The following ZNF33B variants were observed in gnomAD, a reference collection of about 807,000 sequenced individuals.
The protein encoded by ZNF33B is zinc finger protein 11b (KOX 2).
In ZNF33B, 29 loss-of-function variants were observed where a neutral mutation model predicts 45.8. The ratio of observed to expected loss-of-function variants is 0.63; its 90% CI spans 0.47 to 0.86. The LOEUF (loss-of-function observed/expected upper bound fraction) is 0.86, where lower values mean the gene tolerates loss of function less well. Among genes scored for constraint, ZNF33B ranks in the 40% least tolerant of loss-of-function variants. ZNF33B has a pLI of 0.00. For missense variants in ZNF33B, 831 were observed against 909.9 expected (o/e 0.91, Z 1.12); for synonymous variants, 305 against 307.8 (o/e 0.99, Z 0.10).
chr10:42,628,828 G>T (rs550615954), intron 4 of ZNF33B, among the ~76,000 whole-genome samples: 2 of 152,270 alleles, frequency 1.3e-5, no homozygotes, highest in African/African-American at 4.8e-5. Flanking sequence ...AGTTTCACAG[G>T]AACCAAAAGT....
chr10:42,596,511 G>A (rs185622777), intron 4 of ZNF33B, among the ~76,000 whole-genome samples: 6 of 152,098 alleles, frequency 3.9e-5, no homozygotes, highest in East Asian at 1.9e-4. Flanking sequence ...ATTACTACAT[G>A]GAATTATATT....
At position 42,632,028 on chromosome 10, in the gene ZNF33B, T is replaced by C; in HGVS notation, c.155-4A>G. The C allele has an allele frequency of 6.2e-7, 1 of 1,613,796 alleles. No individual in the cohort carries two copies. On this transcript the variant is annotated splice_region_variant and splice_polypyrimidine_tract_variant and intron_variant, in intron 3 of 4. Coordinates refer to ENST00000359467, the MANE Select transcript of ZNF33B (RefSeq NM_006955.3). The stretch of plus-strand genomic sequence containing the variant: ...TCTGGTTTGTGAGCACAATACCCTG[T>C]TAACAGGAAATAATTTAGGATTTGG...
chr10:42,638,262 C>A (rs773076048), intron 1 of ZNF33B, among the ~76,000 whole-genome samples: 14 of 152,268 alleles, frequency 9.2e-5, no homozygotes, highest in Non-Finnish European at 1.9e-4. Context: ...ACAAACAGGG[C>A]AACGCACAGG....
chr10:42,606,285 T>C (rs158375), intron 4 of ZNF33B, among the ~76,000 whole-genome samples: 4 of 151,628 alleles, frequency 2.6e-5, no homozygotes, highest in African/African-American at 4.8e-5. Flanking sequence ...GCTAACATGA[T>C]GAAACCCCAT....
intron 4 of ZNF33B, among the ~76,000 whole-genome samples, chr10:42,611,225 T>C (rs112292289): frequency 0.012 from 1,866 of 151,916 alleles, 50 homozygotes; most frequent in African/African-American, 0.042. Flanking sequence ...CCTGTAATCC[T>C]AGCTACTTGG....
intron 4 of ZNF33B, among the ~76,000 whole-genome samples, chr10:42,612,006 T>C (rs1029794059): frequency 1.3e-5 from 2 of 152,148 alleles, no homozygotes; most frequent in African/African-American, 4.8e-5. Context: ...AGACAGGACA[T>C]CTTGTTTCCT....
chr10:42,601,635 G>A (rs1461972379), intron 4 of ZNF33B, among the ~76,000 whole-genome samples: 6 of 151,130 alleles, frequency 4.0e-5, no homozygotes, highest in South Asian at 2.1e-4. Context: ...CACCACACCC[G>A]GCTAATTTTT....
chr10:42,617,853 A>G (rs1177130860), intron 4 of ZNF33B, among the ~76,000 whole-genome samples: 2 of 152,090 alleles, frequency 1.3e-5, no homozygotes, highest in Non-Finnish European at 2.9e-5. Flanking sequence ...TAGATTTCAA[A>G]TCCCACCCAT....
intron 2 of ZNF33B, among the ~76,000 whole-genome samples, chr10:42,633,904 C>T (rs1839166787): frequency 6.6e-6 from 1 of 150,504 alleles, no homozygotes; most frequent in Admixed American, 6.6e-5. Context: ...GGGAGGCAGA[C>T]ATTGCAGTCA....
chr10:42,617,930 G>A lies in ZNF33B; in HGVS notation c.250+13999C>T, dbSNP rs566380906. ...CTAGGTGGTCCCTCCCTCAATGCCA[G>A]TAGGAAACTGAAACCACACAAACTC... On this transcript the variant is annotated intron_variant, in intron 4 of 4. Transcript: ENST00000359467. Among the ~76,000 whole-genome samples the A allele has an allele frequency of 2.0e-5, 3 of 152,264 alleles. No individual in the cohort carries two copies. In the South Asian group the frequency reaches 6.2e-4, roughly 32 times the overall value.
At chr10:42,580,281 C>T (rs1836805625) in intron 1 of ZNF33B, among the ~76,000 whole-genome samples, 1 of 152,138 alleles carries the variant, frequency 6.6e-6, no homozygotes, top group Non-Finnish European at 1.5e-5. Flanking sequence ...CACTCTGTCA[C>T]CCAGGCTGGA....
At chr10:42,600,626 C>T (rs1272938385) in intron 4 of ZNF33B, among the ~76,000 whole-genome samples, 9 of 152,142 alleles carry the variant, frequency 5.9e-5, no homozygotes, top group Non-Finnish European at 5.9e-5. Context: ...CCAGAAATCT[C>T]TGCCTTTAAA....
intron 1 of ZNF33B, chr10:42,583,280 G>C (rs941045434): frequency 4.0e-6 from 2 of 505,404 alleles, no homozygotes; most frequent in African/African-American, 1.9e-5. Context: ...ACCACAGACA[G>C]GTGTCCTCCT....
At chr10:42,617,945 C>A (rs1838398735) in intron 4 of ZNF33B, among the ~76,000 whole-genome samples, 1 of 152,114 alleles carries the variant, frequency 6.6e-6, no homozygotes, top group Non-Finnish European at 1.5e-5. Context: ...AAACTGAAAC[C>A]ACACAAACTC....
At chr10:42,638,120 CCCG>C (rs775976945) in intron 1 of ZNF33B, among the ~76,000 whole-genome samples, 3 of 152,244 alleles carry the variant, frequency 2.0e-5, no homozygotes, top group Non-Finnish European at 4.4e-5. Flanking sequence ...GGCGACTGCA[CCCG>C]CCCTTTCCTA....
At chr10:42,628,736 A>T (rs1838921827) in intron 4 of ZNF33B, among the ~76,000 whole-genome samples, 1 of 152,086 alleles carries the variant, frequency 6.6e-6, no homozygotes, top group Non-Finnish European at 1.5e-5. Flanking sequence ...GTGGAGCAAG[A>T]TGGTGGAATA....
Position 42,594,695 on chromosome 10 carries a change from G to A in ZNF33B, c.255C>T (p.Val85=). ...TCTCTTTCAGGTGATCAGCTGTCCA[G>A]ACTTCTACAAACAAACAAAATTAAT... The part of the protein sequence containing the change: ...EEFPSQSFPE[V]WTADHLKERS... Residue 85 remains valine (V), a synonymous_variant, in exon 5 of 5, where the codon GTC becomes GTT. Transcript: ENST00000359467. 1 of 1,557,024 alleles carries A rather than the reference G, an allele frequency of 6.4e-7. No individual in the cohort carries two copies. The highest frequency in any genetic ancestry group is 8.6e-7 in the Non-Finnish European group (1 of 1,158,742).
At chr10:42,633,456 A>G (rs1392197199) in intron 2 of ZNF33B, among the ~76,000 whole-genome samples, 16 of 152,232 alleles carry the variant, frequency 1.1e-4, no homozygotes, top group Non-Finnish European at 4.4e-5. Context: ...CAACATTTAC[A>G]TAAACTACTG....
chr10:42,636,593 G>A (rs532110419), intron 2 of ZNF33B, among the ~76,000 whole-genome samples: 6 of 152,290 alleles, frequency 3.9e-5, no homozygotes, highest in South Asian at 2.1e-4. Flanking sequence ...AGGCCGAGGC[G>A]GGCGGATTGC....
Sources: gnomAD v4.1 joint callset for allele counts (sites outside exome capture counted in the v4.1 genomes callset) on GRCh38, gnomAD v4.1.1 for gene constraint, MANE v1.5 for transcripts, NCBI Gene and HGNC (gene_info 2026-07-23, HGNC 2026-07-21) for gene names.